CAMTA1: variants seen among roughly 807,000 people sequenced by gnomAD.
CAMTA1 encodes the protein calmodulin binding transcription activator 1.
A neutral mutation model predicts 170.9 loss-of-function variants in CAMTA1; 27 were observed. That is an observed-to-expected ratio of 0.16 (90% CI 0.12 to 0.22). CAMTA1 has a LOEUF of 0.22. Ranked by LOEUF, CAMTA1 falls within the 10% of genes least tolerant of loss-of-function variation. The pLI is 1.00. For missense variants in CAMTA1, 1,619 were observed against 2,217.2 expected (o/e 0.73, Z 5.42); for synonymous variants, 833 against 891.5 (o/e 0.93, Z 1.17).
chr1:7,189,934 C>A (rs895630186), intron 4 of CAMTA1, among the ~76,000 whole-genome samples: 2 of 152,188 alleles, frequency 1.3e-5, no homozygotes, highest in African/African-American at 4.8e-5. Context: ...TGTATTTTGG[C>A]ACCATCTTTT....
At chr1:7,530,515 G>A (rs915319717) in intron 6 of CAMTA1, among the ~76,000 whole-genome samples, 6 of 152,034 alleles carry the variant, frequency 3.9e-5, no homozygotes, top group African/African-American at 1.4e-4. Flanking sequence ...CTGTAACCCA[G>A]GTATCCTCCC....
In CAMTA1 at chr1:7,361,357, G is replaced by A. The variant is rs146108449; in HGVS notation, c.439-106473G>A. 5.9e-5 allele frequency among the ~76,000 whole-genome samples: 9 copies of A among 152,308 alleles called. No individual in the cohort carries two copies. The East Asian group carries it at 1.7e-3, about 29-fold the overall frequency. On this transcript the variant is annotated intron_variant, in intron 5 of 22. Transcript: ENST00000303635. ...TTGGTCCCCAGTGTCATGGAACTAAGAGTCAACCAGGGAATCTTCAGGGGA... is the reference window on the plus strand; with the variant it reads ...TTGGTCCCCAGTGTCATGGAACTAAAAGTCAACCAGGGAATCTTCAGGGGA...
intron 10 of CAMTA1, among the ~76,000 whole-genome samples, chr1:7,677,310 TC>T (rs2096131267): frequency 6.6e-6 from 1 of 152,152 alleles, no homozygotes; most frequent in South Asian, 2.1e-4. Flanking sequence ...GTTCAGCCAG[TC>T]TGTACTGAGC....
rs375741511 is a variant in CAMTA1, at chr1:6,971,797, C to G, written c.235-119507C>G. 6.6e-6 allele frequency among the ~76,000 whole-genome samples: 1 copy of G among 152,220 alleles called. No homozygotes were observed. Among genetic ancestry groups the G allele is most frequent in the Non-Finnish European group, 1.5e-5 (1 of 68,040 alleles). ...GGCCAGGCCTGCCTGTGGCCGCCCC[C>G]GGGTCTCAGCAATGGCATTATCACT... On this transcript the variant is annotated intron_variant, in intron 3 of 22. Coordinates refer to ENST00000303635, the MANE Select transcript of CAMTA1 (RefSeq NM_015215.4). The surrounding 1 kb of genome is among the most constrained non-coding windows in gnomAD (Gnocchi z 4.6).
chr1:7,001,606 A>G (rs1015139482), intron 3 of CAMTA1, among the ~76,000 whole-genome samples: 5 of 152,168 alleles, frequency 3.3e-5, no homozygotes, highest in African/African-American at 9.7e-5. Context: ...TCTCCCTAGG[A>G]TGTCTCCAAC....
chr1:6,849,296 C>T (rs1401196472), intron 3 of CAMTA1, among the ~76,000 whole-genome samples: 1 of 152,018 alleles, frequency 6.6e-6, no homozygotes, highest in Non-Finnish European at 1.5e-5. Context: ...ATCTAGAGAT[C>T]CTAGAAAGCA....
chr1:7,272,707 A>AAG (rs1670008955), intron 5 of CAMTA1, among the ~76,000 whole-genome samples: 1 of 147,472 alleles, frequency 6.8e-6, no homozygotes, highest in Non-Finnish European at 1.5e-5. Context: ...AAAAAAAAAA[A>AAG]AAAAAAAAAG....
intron 10 of CAMTA1, among the ~76,000 whole-genome samples, chr1:7,672,787 G>A (rs1018485258): frequency 1.4e-4 from 21 of 152,044 alleles, no homozygotes; most frequent in African/African-American, 4.8e-4. Context: ...TGCACACTCC[G>A]CCTCTGCTTG....
intron 4 of CAMTA1, among the ~76,000 whole-genome samples, chr1:7,198,519 C>T (rs1656006713): frequency 6.6e-6 from 1 of 151,978 alleles, no homozygotes; most frequent in Non-Finnish European, 1.5e-5. Context: ...TCTCAGCAGC[C>T]CTGGGTGCTC....
In CAMTA1 at chr1:7,588,037, G is replaced by A. The variant is rs978871121; in HGVS notation, c.511-52363G>A. On this transcript the variant is annotated intron_variant, in intron 6 of 22. Transcript: ENST00000303635. This position sits in a 1 kb window ranked among gnomAD's most constrained non-coding sequence, Gnocchi z 5.8. ...GGCCATTCATTCCTCGTTCAAGTGC[G>A]TGTGGCAGCCTCCACCGTGCAGGTG... Among the ~76,000 whole-genome samples the A allele has an allele frequency of 8.5e-5, 13 of 152,150 alleles. No homozygotes were observed. Among genetic ancestry groups the A allele is most frequent in the South Asian group, 8.3e-4 (4 of 4,836 alleles).
chr1:6,930,454 C>G (rs1684197666), intron 3 of CAMTA1, among the ~76,000 whole-genome samples: 1 of 152,164 alleles, frequency 6.6e-6, no homozygotes. Flanking sequence ...GTCTTTCATT[C>G]CACCAGGTTA....
At chr1:6,912,720 G>A (rs566804456) in intron 3 of CAMTA1, among the ~76,000 whole-genome samples, 116 of 152,258 alleles carry the variant, frequency 7.6e-4, no homozygotes, top group Admixed American at 1.4e-3. Flanking sequence ...CTCCCTCTCA[G>A]CAGAAGACTA....
chr1:7,277,390 C>T (rs927139092), intron 5 of CAMTA1, among the ~76,000 whole-genome samples: 7 of 151,722 alleles, frequency 4.6e-5, no homozygotes, highest in East Asian at 3.9e-4. Context: ...AGGTAGATTT[C>T]AGGGTTCAGT....
intron 3 of CAMTA1, among the ~76,000 whole-genome samples, chr1:6,988,308 C>T (rs1695703125): frequency 6.6e-6 from 1 of 152,118 alleles, no homozygotes; most frequent in Admixed American, 6.5e-5. Context: ...CATCCCGGCA[C>T]CCCACCAAGT....
intron 3 of CAMTA1, among the ~76,000 whole-genome samples, chr1:6,978,461 C>CT (rs1239400114): frequency 2.0e-5 from 3 of 152,002 alleles, no homozygotes; most frequent in Non-Finnish European, 2.9e-5. Flanking sequence ...TGGTGAAACT[C>CT]TGTCTCTATT....
At chr1:7,115,715 G>A (rs1186999392) in intron 4 of CAMTA1, among the ~76,000 whole-genome samples, 1 of 152,020 alleles carries the variant, frequency 6.6e-6, no homozygotes, top group Non-Finnish European at 1.5e-5. Flanking sequence ...AGCTGATGGT[G>A]TTGTTCCAGT....
At chr1:7,213,702 T>C (rs1215717394) in intron 4 of CAMTA1, among the ~76,000 whole-genome samples, 1 of 152,108 alleles carries the variant, frequency 6.6e-6, no homozygotes, top group Non-Finnish European at 1.5e-5. Flanking sequence ...TGGTGTGCTG[T>C]ACCCATTAAC....
intron 11 of CAMTA1, among the ~76,000 whole-genome samples, chr1:7,710,691 A>G (rs527779934): frequency 1.3e-5 from 2 of 151,836 alleles, no homozygotes; most frequent in Admixed American, 6.6e-5. Flanking sequence ...TAGATGTACA[A>G]TGATGTCATT....
intron 3 of CAMTA1, among the ~76,000 whole-genome samples, chr1:7,058,796 T>C (rs1445038471): frequency 6.6e-6 from 1 of 152,134 alleles, no homozygotes; most frequent in Admixed American, 6.5e-5. Flanking sequence ...CATAGAAGGA[T>C]GAAAAATATT....
Sources: allele counts gnomAD v4.1 joint callset (sites outside exome capture counted in the v4.1 genomes callset), GRCh38; gene constraint gnomAD v4.1.1; non-coding constraint Gnocchi (gnomAD v3.1); transcripts MANE v1.5; gene names NCBI Gene and HGNC (gene_info 2026-07-23, HGNC 2026-07-21).